The following SNX24 variants were observed in gnomAD, a reference collection of about 807,000 sequenced individuals.
SNX24 encodes sorting nexin 24, also known as sorting nexin-24.
In SNX24, 22 loss-of-function variants were observed where a neutral mutation model predicts 28.7. That is an observed-to-expected ratio of 0.77 (90% CI 0.55 to 1.10). The LOEUF (loss-of-function observed/expected upper bound fraction) is 1.10, where lower values mean the gene tolerates loss of function less well. SNX24 is among the 50% of genes least tolerant of loss of function. SNX24 has a pLI of 0.00. For synonymous variants in SNX24, 69 were observed against 71.5 expected, an observed-to-expected ratio of 0.96 and a Z score of 0.18; for missense variants, 221 against 201.1, an observed-to-expected ratio of 1.10 and a Z score of -0.60.
At chr5:123,016,921 GA>G (rs1384905321) in intron 5 of SNX24, among the ~76,000 whole-genome samples, 2 of 151,944 alleles carry the variant, frequency 1.3e-5, no homozygotes, top group East Asian at 3.9e-4. Flanking sequence ...CCATTTCCAG[GA>G]TATCTGCAGC....
At chr5:122,996,747 T>G (rs1357062806) in intron 3 of SNX24, among the ~76,000 whole-genome samples, 3 of 152,166 alleles carry the variant, frequency 2.0e-5, no homozygotes, top group Non-Finnish European at 4.4e-5. Context: ...TACTCCACAC[T>G]GCCTCTCTAA....
intron 1 of SNX24, among the ~76,000 whole-genome samples, chr5:122,917,569 T>C (rs1758235630): frequency 1.3e-5 from 2 of 152,176 alleles, no homozygotes; most frequent in Non-Finnish European, 1.5e-5. Context: ...AGAAAGCCAC[T>C]GTGGTTTGGT....
intron 5 of SNX24, among the ~76,000 whole-genome samples, chr5:123,027,906 A>G (rs906962845): frequency 2.6e-5 from 4 of 152,234 alleles, no homozygotes; most frequent in Non-Finnish European, 4.4e-5. Flanking sequence ...CTGGATAGCT[A>G]TAATCCTGAA....
chr5:122,940,571 T>G lies in SNX24; in HGVS notation c.144+3754T>G, dbSNP rs559013096. On this transcript the variant is annotated intron_variant, in intron 2 of 6. Coordinates refer to ENST00000261369, the MANE Select transcript of SNX24 (RefSeq NM_014035.4). The stretch of plus-strand genomic sequence containing the variant: ...CACCAAAAATACAGTGGCTTAAAAT[T>G]TATGTATTATTATTATTTGAGACAG... 2.6e-5 allele frequency among the ~76,000 whole-genome samples: 4 copies of G among 152,102 alleles called. No homozygotes were observed. The East Asian group carries it at 5.8e-4, about 22-fold the overall frequency.
chr5:122,893,356 A>G (rs1232177795), intron 1 of SNX24, among the ~76,000 whole-genome samples: 3 of 151,994 alleles, frequency 2.0e-5, no homozygotes, highest in East Asian at 1.9e-4. Flanking sequence ...TACTTTCACA[A>G]TTCTACATTT....
In SNX24 at chr5:122,964,630, T is replaced by C. The variant is rs141293939; in HGVS notation, c.249+18471T>C. On this transcript the variant is annotated intron_variant, in intron 3 of 6. Coordinates refer to ENST00000261369, the MANE Select transcript of SNX24 (RefSeq NM_014035.4). ...ATCCTTGTAAGATAAGGTTTTTAAA[T>C]ACTAACTTTTTTATTATGGAAATTT... is the stretch of plus-strand genomic sequence containing the variant. Among the ~76,000 whole-genome samples the C allele has an allele frequency of 3.3e-4, 50 of 152,282 alleles. No individual in the cohort carries two copies. In the East Asian group the frequency reaches 9.2e-3, roughly 28 times the overall value.
chr5:122,903,986 A>G (rs911729262), intron 1 of SNX24, among the ~76,000 whole-genome samples: 10 of 152,174 alleles, frequency 6.6e-5, no homozygotes, highest in Non-Finnish European at 1.3e-4. Flanking sequence ...ACATAAATGT[A>G]TGTTATGTCT....
chr5:122,943,115 G>A (rs1439313570), intron 2 of SNX24, among the ~76,000 whole-genome samples: 1 of 151,960 alleles, frequency 6.6e-6, no homozygotes, highest in African/African-American at 2.4e-5. Context: ...GAACTGCCTC[G>A]GACAGTATAG....
chr5:122,900,985 G>A (rs898075400), intron 1 of SNX24, among the ~76,000 whole-genome samples: 2 of 152,028 alleles, frequency 1.3e-5, no homozygotes, highest in Non-Finnish European at 2.9e-5. Flanking sequence ...TGGATCACTT[G>A]AGGTCAGGAA....
At chr5:122,998,494 C>CCCCAAT (rs1656096044) in intron 3 of SNX24, among the ~76,000 whole-genome samples, 1 of 152,098 alleles carries the variant, frequency 6.6e-6, no homozygotes, top group Admixed American at 6.6e-5. Context: ...AAGTATAACA[C>CCCCAAT]CCCAATTTTT....
At chr5:122,892,878 G>T (rs1211198392) in intron 1 of SNX24, among the ~76,000 whole-genome samples, 1 of 151,748 alleles carries the variant, frequency 6.6e-6, no homozygotes. Context: ...AAGCTATTGT[G>T]CCTCAGTCTC....
At chr5:122,868,250 C>T (rs1755806756) in intron 1 of SNX24, among the ~76,000 whole-genome samples, 1 of 152,102 alleles carries the variant, frequency 6.6e-6, no homozygotes, top group African/African-American at 2.4e-5. Flanking sequence ...GGGTTCATCT[C>T]ATATATACTA....
intron 3 of SNX24, among the ~76,000 whole-genome samples, chr5:122,995,094 C>G (rs1762005628): frequency 6.6e-6 from 1 of 152,212 alleles, no homozygotes; most frequent in Non-Finnish European, 1.5e-5. Flanking sequence ...TCTATACCAT[C>G]TCCAATCTGC....
At chr5:123,007,579 G>A (rs902484823) in intron 6 of SNX24, 103 bp from the exon 7 acceptor site, 25 of 1,032,464 alleles carry the variant, frequency 2.4e-5, no homozygotes, top group African/African-American at 5.0e-5. Flanking sequence ...TGTGTTTACC[G>A]TAAGCATTGC....
chr5:122,866,979 G>A (rs1242515697), intron 1 of SNX24, among the ~76,000 whole-genome samples: 1 of 152,144 alleles, frequency 6.6e-6, no homozygotes, highest in African/African-American at 2.4e-5. Context: ...GGTCACTGGG[G>A]GTAATGGTGA....
At chr5:122,885,932 G>A (rs1330524214) in intron 1 of SNX24, among the ~76,000 whole-genome samples, 1 of 152,110 alleles carries the variant, frequency 6.6e-6, no homozygotes, top group Non-Finnish European at 1.5e-5. Context: ...TGCATGCACA[G>A]TTCACAGTAG....
intron 6 of SNX24, 150 bp downstream of exon 6, chr5:123,002,154 T>C: frequency 1.5e-6 from 1 of 657,058 alleles, no homozygotes; most frequent in Non-Finnish European, 2.7e-6. Flanking sequence ...AAGCGACACT[T>C]AGAATTTTAA....
intron 1 of SNX24, among the ~76,000 whole-genome samples, chr5:122,904,152 G>C (rs746923677): frequency 4.0e-4 from 61 of 151,664 alleles, no homozygotes; most frequent in Non-Finnish European, 6.9e-4. Context: ...AAGTAAAGCA[G>C]TTACCCAGTG....
At chr5:122,902,535 T>C (rs1757485673) in intron 1 of SNX24, among the ~76,000 whole-genome samples, 1 of 152,196 alleles carries the variant, frequency 6.6e-6, no homozygotes, top group Non-Finnish European at 1.5e-5. Context: ...AACCTCCACC[T>C]GGCAACCTTC....
Sources: gnomAD v4.1 joint callset for allele counts (sites outside exome capture counted in the v4.1 genomes callset) on GRCh38, gnomAD v4.1.1 for gene constraint, MANE v1.5 for transcripts, NCBI Gene and HGNC (gene_info 2026-07-23, HGNC 2026-07-21) for gene names.